The following IRAK1BP1 variants were observed in gnomAD, a reference collection of about 807,000 sequenced individuals.
IRAK1BP1 encodes interleukin 1 receptor associated kinase 1 binding protein 1.
Under a neutral mutation model 28.0 loss-of-function variants are expected in IRAK1BP1, and 24 were observed. The ratio of observed to expected loss-of-function variants is 0.86; its 90% CI spans 0.62 to 1.20. IRAK1BP1 has a LOEUF of 1.20. Ranked by LOEUF, IRAK1BP1 falls within the 50% of genes most tolerant of loss-of-function variation. The pLI, the probability that IRAK1BP1 is intolerant of heterozygous loss-of-function variation, is 0.00. For missense variants in IRAK1BP1, 336 were observed against 316.7 expected (o/e 1.06, Z -0.46); for synonymous variants, 131 against 116.3 (o/e 1.13, Z -0.81).
At chr6:78,951,891 T>C in the IRAK1BP1 span, among the ~76,000 whole-genome samples, 3 of 152,200 alleles carry the variant, frequency 2.0e-5, no homozygotes, top group South Asian at 4.1e-4. Context: ...TACAAATAAA[T>C]AGCTATAAAT....
rs1011414294 is a variant in IRAK1BP1, at chr6:78,941,076, G to A, written c.*68-4332G>A. On this transcript the variant is annotated intron_variant and NMD_transcript_variant, in intron 4 of 4. Coordinates refer to the IRAK1BP1 transcript ENST00000606868. ...TCCTTTACATTATTAGTTTCAGAAAGAAAATTGCATGTTGAAGAAGGAAGT... is the reference window on the plus strand; with the variant it reads ...TCCTTTACATTATTAGTTTCAGAAAAAAAATTGCATGTTGAAGAAGGAAGT... 6.2e-7 allele frequency: 1 copy of A among 1,613,982 alleles called. No homozygotes were observed. Among genetic ancestry groups the A allele is most frequent in the Admixed American group, 1.7e-5 (1 of 60,008 alleles).
intron 2 of IRAK1BP1, among the ~76,000 whole-genome samples, chr6:78,891,704 C>T (rs1166432795): frequency 1.3e-5 from 2 of 152,154 alleles, no homozygotes; most frequent in Admixed American, 1.3e-4. Context: ...TCAGGCGATC[C>T]GCCTGCCTCT....
chr6:78,871,180 A>C (rs1770780387), intron 1 of IRAK1BP1: 1 of 800,656 alleles, frequency 1.2e-6, no homozygotes, highest in Admixed American at 6.3e-5. Context: ...GCTACCAAGA[A>C]TTACCCTGAT....
chr6:78,977,187 T>C, the IRAK1BP1 span, among the ~76,000 whole-genome samples: 4 of 150,344 alleles, frequency 2.7e-5, no homozygotes, highest in Non-Finnish European at 4.4e-5. Flanking sequence ...CATGGAATAC[T>C]ATGCAGCTAT....
intron 1 of IRAK1BP1, among the ~76,000 whole-genome samples, chr6:78,874,241 A>G (rs1346263910): frequency 6.6e-6 from 1 of 152,358 alleles, no homozygotes; most frequent in East Asian, 1.9e-4. Flanking sequence ...TAGCTTAGAT[A>G]TGGATTTCTG....
chr6:78,976,180 T>C, the IRAK1BP1 span, among the ~76,000 whole-genome samples: 12 of 149,548 alleles, frequency 8.0e-5, no homozygotes, highest in Admixed American at 2.0e-4. Flanking sequence ...AACAGAGATA[T>C]AGATCAATGG....
At position 78,883,583 on chromosome 6, in the gene IRAK1BP1, GA is replaced by G. The variant is rs144550669; in HGVS notation, c.316-1790del. Among the ~76,000 whole-genome samples, 788 of 152,096 alleles carry G rather than the reference GA, an allele frequency of 5.2e-3. 12 individuals carry two copies. Among genetic ancestry groups the G allele is most frequent in the African/African-American group, 0.018 (742 of 41,526 alleles). On this transcript the variant is annotated intron_variant, in intron 1 of 3. Transcript: ENST00000369940. ...TTATCAAGTGAAGTGGGAGAAAAGT[GA>G]AAAATGAGACATGTTTTATGACATA...
At chr6:78,971,760 G>C in the IRAK1BP1 span, among the ~76,000 whole-genome samples, 1 of 152,152 alleles carries the variant, frequency 6.6e-6, no homozygotes, top group East Asian at 1.9e-4. Context: ...TCAAAGAAAG[G>C]GGTGACGGAC....
the IRAK1BP1 span, among the ~76,000 whole-genome samples, chr6:78,960,032 C>G: frequency 6.6e-6 from 1 of 152,100 alleles, no homozygotes; most frequent in African/African-American, 2.4e-5. Context: ...ACGTGGCTGA[C>G]TGGGAGCTAC....
chr6:78,903,562 A>G (rs917499593), downstream of IRAK1BP1, among the ~76,000 whole-genome samples: 1 of 152,056 alleles, frequency 6.6e-6, no homozygotes, highest in Admixed American at 6.6e-5. Flanking sequence ...TGAACCAAAA[A>G]CTAAAAATAA....
the IRAK1BP1 span, chr6:78,965,790 TA>T: frequency 7.5e-7 from 1 of 1,329,940 alleles, no homozygotes; most frequent in Non-Finnish European, 1.1e-6. Flanking sequence ...ATCATTATAT[TA>T]AAAAATCTAA....
In IRAK1BP1 at chr6:78,935,377, TTA is replaced by T. The variant is rs1245256838; in HGVS notation, c.*68-10030_*68-10029del. On this transcript the variant is annotated intron_variant and NMD_transcript_variant, in intron 4 of 4. Transcript: ENST00000606868. Reference sequence around the variant, plus strand: ...GGTCTTCATGCTAAAATTGGGATTCTTAGTCAATAAAAATGCATGCCAATCTG... The same window carrying T: ...GGTCTTCATGCTAAAATTGGGATTCTGTCAATAAAAATGCATGCCAATCTG... 9 of 313,192 alleles carry T rather than the reference TTA, an allele frequency of 2.9e-5. No homozygotes were observed. In the Admixed American group the frequency reaches 5.2e-4, roughly 18 times the overall value. 19.4% of individuals were successfully genotyped at this position (313,192 alleles called of 1,614,324 possible).
At chr6:78,947,477 G>T (rs926045799), downstream of IRAK1BP1, 16 of 534,940 alleles carry the variant, frequency 3.0e-5, no homozygotes, top group African/African-American at 3.1e-4. Flanking sequence ...GAGTAGAAAG[G>T]TATAATTTCT....
the IRAK1BP1 span, among the ~76,000 whole-genome samples, chr6:78,973,359 C>A: frequency 3.5e-3 from 514 of 147,704 alleles, 2 homozygotes; most frequent in African/African-American, 9.3e-3. Context: ...GCCTGCCCTA[C>A]AAGAGCTCCT....
intron 1 of IRAK1BP1, among the ~76,000 whole-genome samples, chr6:78,876,965 A>G (rs1771025334): frequency 6.6e-6 from 1 of 152,196 alleles, no homozygotes; most frequent in South Asian, 2.1e-4. Context: ...AAACAAAGTT[A>G]GGTTTATTTA....
rs769265811 is a variant in IRAK1BP1 at position 78,941,108 on chromosome 6, T to A, written c.*68-4300T>A. Reference sequence around the variant, plus strand: ...GCATGTTGAAGAAGGAAGTACTTCATCTCTGATGGGATGCACATTATTTTG... The same window carrying A: ...GCATGTTGAAGAAGGAAGTACTTCAACTCTGATGGGATGCACATTATTTTG... On this transcript the variant is annotated intron_variant and NMD_transcript_variant, in intron 4 of 4. Transcript: ENST00000606868. 3.7e-5 allele frequency: 59 copies of A among 1,613,720 alleles called. No homozygotes were observed. The highest frequency in any genetic ancestry group is 4.7e-5 in the Non-Finnish European group (56 of 1,179,708).
chr6:78,880,941 T>C (rs539394367), intron 1 of IRAK1BP1, among the ~76,000 whole-genome samples: 1 of 152,308 alleles, frequency 6.6e-6, no homozygotes, highest in African/African-American at 2.4e-5. Flanking sequence ...TGCAAAATTA[T>C]ATGGCCACTT....
intron 1 of IRAK1BP1, among the ~76,000 whole-genome samples, chr6:78,878,066 G>A (rs1771077736): frequency 6.6e-6 from 1 of 152,150 alleles, no homozygotes; most frequent in Admixed American, 6.5e-5. Flanking sequence ...CACCTCTGGG[G>A]CAGGGCATAG....
At chr6:78,890,440 A>G (rs1771606969) in intron 2 of IRAK1BP1, among the ~76,000 whole-genome samples, 1 of 151,900 alleles carries the variant, frequency 6.6e-6, no homozygotes. Flanking sequence ...CCAAAAAGAG[A>G]GCACAGAGTG....
Sources: allele counts gnomAD v4.1 joint callset (sites outside exome capture counted in the v4.1 genomes callset), GRCh38; gene constraint gnomAD v4.1.1; transcripts MANE v1.5; gene names NCBI Gene and HGNC (gene_info 2026-07-23, HGNC 2026-07-21).